PCDHGB3: variants seen among roughly 807,000 people sequenced by gnomAD.
PCDHGB3 encodes the protein protocadherin gamma subfamily B, 3.
PCDHGB3 carries 40 observed loss-of-function variants against 59.2 expected under a neutral mutation model. The observed-to-expected ratio is 0.68, with a 90% confidence interval of 0.52 to 0.88. The LOEUF (loss-of-function observed/expected upper bound fraction) is 0.88. PCDHGB3 is among the 40% of genes least tolerant of loss of function. The probability of loss-of-function intolerance (pLI) is 0.00; values close to 1 mark genes in which losing one functional copy is unlikely to be tolerated. For synonymous variants in PCDHGB3, 581 were observed against 503.6 expected (o/e 1.15, Z -2.06); for missense variants, 1,309 against 1,187.9 (o/e 1.10, Z -1.50).
intron 1 of PCDHGB3, chr5:141,405,463 A>C: frequency 8.5e-7 from 1 of 1,181,354 alleles, no homozygotes. Flanking sequence ...TCTGTTACCC[A>C]GGCTGGAATG....
At position 141,383,558 on chromosome 5, in the gene PCDHGB3, C is replaced by T. The variant is rs374657057; in HGVS notation, c.2415+10749C>T. Reference sequence around the variant, plus strand: ...CTCACAGCCTCTGATGGCGGCGACCCGCCCCGATCCAGCACCGCCCACATC... The same window carrying T: ...CTCACAGCCTCTGATGGCGGCGACCTGCCCCGATCCAGCACCGCCCACATC... On this transcript the variant is annotated intron_variant, in intron 1 of 3. Coordinates refer to ENST00000576222, the MANE Select transcript of PCDHGB3 (RefSeq NM_018924.5). 17 of 1,612,704 alleles carry T rather than the reference C, an allele frequency of 1.1e-5. No homozygotes were observed. The African/African-American group carries it at 2.0e-4, about 19-fold the overall frequency.
At chr5:141,447,209 G>A (rs1004956165) in intron 1 of PCDHGB3, among the ~76,000 whole-genome samples, 3 of 151,850 alleles carry the variant, frequency 2.0e-5, no homozygotes, top group East Asian at 3.9e-4. Context: ...GCTTGATCTC[G>A]GCTCACTGCA....
chr5:141,384,797 T>C (rs766396351), intron 1 of PCDHGB3: 13 of 1,613,368 alleles, frequency 8.1e-6, no homozygotes, highest in Non-Finnish European at 1.1e-5. Context: ...CGGGCCCTGC[T>C]GGACAGAGAT....
intron 1 of PCDHGB3, chr5:141,430,854 G>A (rs140440273): frequency 5.0e-6 from 8 of 1,587,648 alleles, no homozygotes; most frequent in Middle Eastern, 1.7e-4. Flanking sequence ...ACCCAGATAC[G>A]CTATTCAGTT....
intron 1 of PCDHGB3, chr5:141,421,470 A>T: frequency 2.5e-6 from 4 of 1,614,130 alleles, no homozygotes; most frequent in Non-Finnish European, 3.4e-6. Context: ...TGAATCCGCG[A>T]AGCGGCAGCT....
At position 141,418,595 on chromosome 5, in the gene PCDHGB3, G is replaced by A. The variant is rs1331897624; in HGVS notation, c.2415+45786G>A. The A allele has an allele frequency of 2.5e-6, 4 of 1,613,928 alleles. No individual in the cohort carries two copies. Among genetic ancestry groups the A allele is most frequent in the Admixed American group, 3.3e-5 (2 of 60,006 alleles). On this transcript the variant is annotated intron_variant, in intron 1 of 3. Transcript: ENST00000576222. ...CAACCCCCCAGTGTTCAGCCAGGAC[G>A]TGTACAGGGTTAGCCTTCGGGAAGA...
At chr5:141,475,491 C>T (rs1321482409) in intron 1 of PCDHGB3, among the ~76,000 whole-genome samples, 2 of 152,202 alleles carry the variant, frequency 1.3e-5, no homozygotes, top group African/African-American at 4.8e-5. Flanking sequence ...AGAGATAAAA[C>T]TGAAATTATT....
chr5:141,460,833 T>G (rs541553903), intron 1 of PCDHGB3, among the ~76,000 whole-genome samples: 2 of 151,928 alleles, frequency 1.3e-5, no homozygotes, highest in African/African-American at 4.8e-5. Flanking sequence ...ACACTTAAAG[T>G]AATGGCCTCC....
At chr5:141,422,880 G>T in intron 1 of PCDHGB3, 1 of 1,614,258 alleles carries the variant, frequency 6.2e-7, no homozygotes, top group East Asian at 2.2e-5. Flanking sequence ...CGCTGAGCCT[G>T]TTCGTGCTGG....
chr5:141,409,412 C>A, intron 1 of PCDHGB3: 1 of 1,614,032 alleles, frequency 6.2e-7, no homozygotes, highest in Non-Finnish European at 8.5e-7. Flanking sequence ...CTACTACAAA[C>A]TGGTGACAGA....
At chr5:141,400,186 TACCTAG>T (rs1474148355) in intron 1 of PCDHGB3, 1 of 1,614,068 alleles carries the variant, frequency 6.2e-7, no homozygotes, top group Non-Finnish European at 8.5e-7. Flanking sequence ...GCTGCAGTTT[TACCTAG>T]TGGTGGCCTT....
In PCDHGB3 at chr5:141,477,868, C is replaced by A; in HGVS notation, c.2416-16939C>A. The A allele has an allele frequency of 6.2e-7, 1 of 1,613,750 alleles. No homozygotes were observed. Among genetic ancestry groups the A allele is most frequent in the Non-Finnish European group, 8.5e-7 (1 of 1,179,908 alleles). ...CGGTGGAGATGCTGCCTCGAGGTAC[C>A]TCAGCTGGCCACCTAGTGTCACGGG... On this transcript the variant is annotated intron_variant, in intron 1 of 3. Coordinates refer to ENST00000576222, the MANE Select transcript of PCDHGB3 (RefSeq NM_018924.5). The surrounding 1 kb of genome is among the most constrained non-coding windows in gnomAD (Gnocchi z 4.9).
chr5:141,382,463 A>T (rs1010194037), intron 1 of PCDHGB3, among the ~76,000 whole-genome samples: 1 of 152,216 alleles, frequency 6.6e-6, no homozygotes, highest in African/African-American at 2.4e-5. Context: ...GCAGTTTTTT[A>T]AAAATTATCT....
At position 141,486,811 on chromosome 5, in the gene PCDHGB3, C is replaced by A. The variant is rs2099635196; in HGVS notation, c.2416-7996C>A. On this transcript the variant is annotated intron_variant, in intron 1 of 3. Coordinates refer to ENST00000576222, the MANE Select transcript of PCDHGB3 (RefSeq NM_018924.5). The surrounding 1 kb of genome is among the most constrained non-coding windows in gnomAD (Gnocchi z 5.0). ...GGGATCGGGGCAACCCACCCCTTAG[C>A]AGCACTGTAACAGTTCGTCTATTTG... The A allele has an allele frequency of 1.2e-6, 2 of 1,614,124 alleles. No homozygotes were observed. The highest frequency in any genetic ancestry group is 2.2e-5 in the East Asian group (1 of 44,900).
intron 1 of PCDHGB3, chr5:141,384,940 T>C: frequency 6.2e-7 from 1 of 1,613,942 alleles, no homozygotes; most frequent in Non-Finnish European, 8.5e-7. Flanking sequence ...CCTTGAGCCC[T>C]CCGACGGTCC....
intron 1 of PCDHGB3, chr5:141,478,768 A>G: frequency 6.7e-7 from 1 of 1,501,046 alleles, no homozygotes; most frequent in African/African-American, 1.4e-5. Context: ...TACTTGACTC[A>G]TCTGTGGACC....
At chr5:141,409,964 G>A (rs1042730924) in intron 1 of PCDHGB3, 5 of 1,613,300 alleles carry the variant, frequency 3.1e-6, no homozygotes, top group East Asian at 2.2e-5. Flanking sequence ...CGGCTACCTA[G>A]TGACTAAGGT....
In PCDHGB3 at chr5:141,512,501, G is replaced by A. The variant is rs1474842711; in HGVS notation, c.*1328G>A. The A allele has an allele frequency of 6.5e-6, 1 of 152,914 alleles. No homozygotes were observed. The highest frequency in any genetic ancestry group is 1.5e-5 in the Non-Finnish European group (1 of 68,258). The allele number at this position is 152,914 out of a possible 1,614,324, so 9.5% of individuals were successfully genotyped here. On this transcript the variant is annotated 3_prime_UTR_variant, in exon 4 of 4. Transcript: ENST00000576222. The stretch of plus-strand genomic sequence containing the variant: ...GAAGGCCACTGCCCAGGTCCCCAGT[G>A]CGCCCCCTAGTGGCCATAGCCTGGT...
chr5:141,449,718 G>A (rs2098653155), intron 1 of PCDHGB3, among the ~76,000 whole-genome samples: 2 of 150,760 alleles, frequency 1.3e-5, no homozygotes, highest in Admixed American at 6.6e-5. Flanking sequence ...ATTTTTATAT[G>A]ATATGATTTT....
Sources: gnomAD v4.1 joint callset for allele counts (sites outside exome capture counted in the v4.1 genomes callset) on GRCh38, gnomAD v4.1.1 for gene constraint, Gnocchi (gnomAD v3.1) non-coding constraint, MANE v1.5 for transcripts, NCBI Gene and HGNC (gene_info 2026-07-23, HGNC 2026-07-21) for gene names.